Variants in KCNQ3 observed in about 807,000 individuals in gnomAD.
KCNQ3 encodes the protein potassium voltage-gated channel subfamily Q member 3, also known as potassium voltage-gated channel subfamily KQT member 3.
A neutral mutation model predicts 92.5 loss-of-function variants in KCNQ3; 30 were observed. That is an observed-to-expected ratio of 0.32 (90% confidence interval 0.24 to 0.44). The LOEUF is 0.44. Ranked by LOEUF, KCNQ3 falls within the 20% of genes least tolerant of loss-of-function variation. The pLI, the probability that KCNQ3 is intolerant of heterozygous loss-of-function variation, is 1.00. For missense variants in KCNQ3, 913 were observed against 1,140.3 expected (o/e 0.80, Z 2.87); for synonymous variants, 450 against 468.8 (o/e 0.96, Z 0.52).
intron 9 of KCNQ3, among the ~76,000 whole-genome samples, chr8:132,148,057 T>C (rs778560922): frequency 6.6e-6 from 1 of 151,710 alleles, no homozygotes; most frequent in Non-Finnish European, 1.5e-5. Flanking sequence ...TATTTTTCTC[T>C]CTAAGAAAAG....
At chr8:132,423,558 G>A (rs150667400) in intron 1 of KCNQ3, among the ~76,000 whole-genome samples, 166 of 152,304 alleles carry the variant, frequency 1.1e-3, no homozygotes, top group Middle Eastern at 6.8e-3. Flanking sequence ...CCAAGTCTTC[G>A]TCTGTAGCAT....
At chr8:132,258,899 CCTAGATGAA>C (rs1815683566) in intron 1 of KCNQ3, among the ~76,000 whole-genome samples, 1 of 151,798 alleles carries the variant, frequency 6.6e-6, no homozygotes, top group Non-Finnish European at 1.5e-5. Context: ...AATTAGATAA[CCTAGATGAA>C]ATGGACAAGT....
chr8:132,134,335 G>C lies in KCNQ3; in HGVS notation c.1754C>G (p.Ser585Cys). 1 of 1,614,044 alleles carries C rather than the reference G, an allele frequency of 6.2e-7. No individual in the cohort carries two copies. Among genetic ancestry groups the C allele is most frequent in the East Asian group, 2.2e-5 (1 of 44,864 alleles). The part of the protein sequence containing the change: ...GPPSTPKHKK[S>C]QKGSAFTFPS... ...GAAGGTGAATGCTGACCCTTTCTGA[G>C]ACTTCTTGTGTTTTGGCGTGGAGGG... Residue 585 changes from serine (S) to cysteine (C), a missense_variant, in exon 13 of 15, where the codon TCT (serine) becomes TGT (cysteine). By Grantham distance (112) the Ser-to-Cys change is moderately radical. Around this residue, in one of 6 missense-constraint regions of KCNQ3, gnomAD observed 375 missense variants for 376.4 expected, o/e 1.00. Coordinates refer to ENST00000388996, the MANE Select transcript of KCNQ3 (RefSeq NM_004519.4).
intron 1 of KCNQ3, among the ~76,000 whole-genome samples, chr8:132,307,869 G>A (rs1008070229): frequency 1.3e-4 from 20 of 152,074 alleles, no homozygotes; most frequent in Non-Finnish European, 2.1e-4. Context: ...TATATGAGTC[G>A]GGGAGTTGCA....
intron 5 of KCNQ3, among the ~76,000 whole-genome samples, chr8:132,174,641 A>G (rs936938700): frequency 6.6e-6 from 1 of 152,192 alleles, no homozygotes; most frequent in Non-Finnish European, 1.5e-5. Context: ...TTGTGATTTT[A>G]TTTATAGCCA....
rs534919827 is a variant in KCNQ3, at chr8:132,124,878, G to T, written c.*4384C>A. The T allele has an allele frequency of 1.3e-5, 2 of 152,268 alleles. No homozygotes were observed. Among genetic ancestry groups the T allele is most frequent in the African/African-American group, 4.8e-5 (2 of 41,542 alleles). 9.4% of individuals were successfully genotyped at this position (152,268 alleles called of 1,614,324 possible). ...AAAGCACAGGGGTGGGAGAATCCTG[G>T]GGTGTGTTTGGCAGCACTGTCCAAA... is the stretch of plus-strand genomic sequence containing the variant. On this transcript the variant is annotated 3_prime_UTR_variant, in exon 15 of 15. Transcript: ENST00000388996.
In KCNQ3 at chr8:132,389,060, T is replaced by G. The variant is rs77283382; in HGVS notation, c.386+91087A>C. Among the ~76,000 whole-genome samples the G allele has an allele frequency of 2.8e-3, 431 of 152,332 alleles. 4 individuals carry two copies. The highest frequency in any genetic ancestry group is 6.8e-3 in the Middle Eastern group (2 of 294). On this transcript the variant is annotated intron_variant, in intron 1 of 14. Coordinates refer to ENST00000388996, the MANE Select transcript of KCNQ3 (RefSeq NM_004519.4). Reference sequence around the variant, plus strand: ...AATAAATTCCAGTTTGATAGTAGACTTCAGTATTTAAAAAAATGAAATTTC... The same window carrying G: ...AATAAATTCCAGTTTGATAGTAGACGTCAGTATTTAAAAAAATGAAATTTC...
At chr8:132,448,951 C>T (rs1337922669) in intron 1 of KCNQ3, among the ~76,000 whole-genome samples, 4 of 152,222 alleles carry the variant, frequency 2.6e-5, no homozygotes, top group African/African-American at 9.6e-5. Context: ...AAAAGGCCAA[C>T]ACGGGTTAGA....
chr8:132,273,231 C>T (rs1392382778), intron 1 of KCNQ3, among the ~76,000 whole-genome samples: 6 of 152,346 alleles, frequency 3.9e-5, no homozygotes, highest in African/African-American at 1.4e-4. Flanking sequence ...TATTTCCAAA[C>T]ATCCTCTGAA....
rs540918486 is a variant in KCNQ3 at position 132,265,002 on chromosome 8, C to T, written c.387-78821G>A. On this transcript the variant is annotated intron_variant, in intron 1 of 14. Coordinates refer to ENST00000388996, the MANE Select transcript of KCNQ3 (RefSeq NM_004519.4). ...TAGACAGACCTGTGAGTTGTGTGAC[C>T]TTGGGCAAGCCACTTAACCTCTCTG... 7.9e-5 allele frequency among the ~76,000 whole-genome samples: 12 copies of T among 152,256 alleles called. No individual in the cohort carries two copies. The South Asian group carries it at 2.5e-3, about 32-fold the overall frequency.
At chr8:132,145,255 A>G (rs972066821) in intron 9 of KCNQ3, among the ~76,000 whole-genome samples, 3 of 152,242 alleles carry the variant, frequency 2.0e-5, no homozygotes, top group African/African-American at 2.4e-5. Flanking sequence ...AGGATCTAGC[A>G]CAGTATCTGG....
At chr8:132,298,197 A>G (rs1253589848) in intron 1 of KCNQ3, among the ~76,000 whole-genome samples, 1 of 152,198 alleles carries the variant, frequency 6.6e-6, no homozygotes, top group East Asian at 1.9e-4. Context: ...GAAGTTTCCC[A>G]GAACATGAGA....
chr8:132,387,060 T>C (rs909392936), intron 1 of KCNQ3, among the ~76,000 whole-genome samples: 12 of 152,206 alleles, frequency 7.9e-5, no homozygotes, highest in Admixed American at 7.2e-4. Flanking sequence ...AATTATTATA[T>C]CTCAATTAAA....
intron 1 of KCNQ3, among the ~76,000 whole-genome samples, chr8:132,293,999 G>GTGTGTGTGTGTGT (rs61040125): frequency 1.4e-4 from 12 of 87,770 alleles, no homozygotes; most frequent in African/African-American, 3.7e-4. Flanking sequence ...GTGTGTGTGT[G>GTGTGTGTGTGTGT]GTTTTTTTTT....
At chr8:132,196,848 T>C (rs552456123) in intron 1 of KCNQ3, among the ~76,000 whole-genome samples, 1 of 152,330 alleles carries the variant, frequency 6.6e-6, no homozygotes, top group Non-Finnish European at 1.5e-5. Flanking sequence ...ACCTAAGGGA[T>C]TGTTTCCTCA....
Position 132,129,761 on chromosome 8 carries a change from A to G in KCNQ3, c.2120T>C (p.Val707Ala). 1 of 1,614,090 alleles carries G rather than the reference A, an allele frequency of 6.2e-7. No homozygotes were observed. Among genetic ancestry groups the G allele is most frequent in the Non-Finnish European group, 8.5e-7 (1 of 1,180,022 alleles). ...YSFHQVTIDK[V>A]SPYGFFAHDP... ...ATGTGCAAAAAACCCATAGGGGCTG[A>G]CTTTGTCAATGGTCACCTGGTGGAA... Residue 707 changes from valine (V) to alanine (A), a missense_variant, in exon 15 of 15, where the codon GTC (valine) becomes GCC (alanine). By Grantham distance (64) the Val-to-Ala change is moderately conservative (BLOSUM62 0). Coordinates refer to ENST00000388996, the MANE Select transcript of KCNQ3 (RefSeq NM_004519.4). The surrounding 1 kb of genome is among the most constrained non-coding windows in gnomAD (Gnocchi z 5.9).
intron 1 of KCNQ3, among the ~76,000 whole-genome samples, chr8:132,227,197 G>A (rs1315650600): frequency 1.3e-5 from 2 of 151,878 alleles, no homozygotes; most frequent in Non-Finnish European, 2.9e-5. Flanking sequence ...CAGTAGCTGG[G>A]ACTACAGGCA....
intron 1 of KCNQ3, among the ~76,000 whole-genome samples, chr8:132,370,058 G>A (rs994233175): frequency 6.6e-6 from 1 of 152,034 alleles, no homozygotes; most frequent in Non-Finnish European, 1.5e-5. Flanking sequence ...TCCTAGCCTG[G>A]CTGACTCTTA....
chr8:132,431,377 A>T (rs150290091), intron 1 of KCNQ3, among the ~76,000 whole-genome samples: 1 of 152,284 alleles, frequency 6.6e-6, no homozygotes, highest in East Asian at 1.9e-4. Flanking sequence ...TCTTGCTGCA[A>T]CGTTCCAGTA....
Sources: gnomAD v4.1 joint callset for allele counts (sites outside exome capture counted in the v4.1 genomes callset) on GRCh38, gnomAD v4.1.1 for gene constraint, gnomAD v4.1.1 regional missense constraint, Gnocchi (gnomAD v3.1) non-coding constraint, MANE v1.5 for transcripts, NCBI Gene and HGNC (gene_info 2026-07-23, HGNC 2026-07-21) for gene names.